TCF12: variants seen among roughly 807,000 people sequenced by gnomAD.
TCF12 encodes transcription factor 12.
In TCF12, 45 loss-of-function variants were observed where a neutral mutation model predicts 86.0. The observed-to-expected ratio is 0.52, with a 90% confidence interval of 0.41 to 0.67. The LOEUF (loss-of-function observed/expected upper bound fraction) is 0.67. Ranked by LOEUF, TCF12 falls within the 30% of genes least tolerant of loss-of-function variation. The pLI, the probability that TCF12 is intolerant of heterozygous loss-of-function variation, is 0.00. For synonymous variants in TCF12, 330 were observed against 299.6 expected, an observed-to-expected ratio of 1.10 and a Z score of -1.05; for missense variants, 881 against 859.9, an observed-to-expected ratio of 1.02 and a Z score of -0.31.
chr15:56,970,391 A>T (rs1184411891), intron 3 of TCF12, among the ~76,000 whole-genome samples: 1 of 150,194 alleles, frequency 6.7e-6, no homozygotes, highest in Non-Finnish European at 1.5e-5. Flanking sequence ...GATGCAGGAG[A>T]ATTGCTTGAA....
chr15:56,961,594 G>C (rs1283960170), intron 3 of TCF12, among the ~76,000 whole-genome samples: 1 of 152,150 alleles, frequency 6.6e-6, no homozygotes, highest in Admixed American at 6.5e-5. Flanking sequence ...TTTGAGGCTT[G>C]TATTAGTAAT....
intron 4 of TCF12, among the ~76,000 whole-genome samples, chr15:57,073,336 A>G (rs2069581460): frequency 6.6e-6 from 1 of 152,138 alleles, no homozygotes; most frequent in Non-Finnish European, 1.5e-5. Context: ...GTCTTTCTTG[A>G]CAGCCTGTTT....
At chr15:57,232,905 G>A in intron 11 of TCF12, 49 bp downstream of exon 11, 1 of 1,424,064 alleles carries the variant, frequency 7.0e-7, no homozygotes, top group Non-Finnish European at 9.3e-7. Context: ...TGGACTTTCA[G>A]TGACCCCGAT....
At chr15:57,285,337 A>G (rs1363071501) in intron 20 of TCF12, among the ~76,000 whole-genome samples, 1 of 152,232 alleles carries the variant, frequency 6.6e-6, no homozygotes, top group African/African-American at 2.4e-5. Flanking sequence ...GATTCTATCT[A>G]AAACTATTTT....
chr15:57,235,399 G>A (rs1347190063), intron 12 of TCF12, among the ~76,000 whole-genome samples: 1 of 152,110 alleles, frequency 6.6e-6, no homozygotes, highest in Non-Finnish European at 1.5e-5. Flanking sequence ...CGCCCTAGGG[G>A]AATCATAAGC....
intron 3 of TCF12, among the ~76,000 whole-genome samples, chr15:57,062,741 TGAAA>T (rs2068554275): frequency 6.6e-6 from 1 of 152,218 alleles, no homozygotes; most frequent in African/African-American, 2.4e-5. Context: ...AGGAATATCT[TGAAA>T]GAAAGATAAT....
chr15:57,058,037 GT>G (rs766444364), intron 3 of TCF12, among the ~76,000 whole-genome samples: 22 of 152,246 alleles, frequency 1.4e-4, no homozygotes, highest in Non-Finnish European at 3.2e-4. Context: ...ATTTAGGGGA[GT>G]TTTAAAGGTA....
At chr15:57,272,130 A>T (rs2061172479) in intron 18 of TCF12, among the ~76,000 whole-genome samples, 1 of 152,208 alleles carries the variant, frequency 6.6e-6, no homozygotes, top group Non-Finnish European at 1.5e-5. Flanking sequence ...TTTAGATACA[A>T]CATAATGGGC....
intron 5 of TCF12, among the ~76,000 whole-genome samples, chr15:57,131,740 TGAG>T (rs1372155100): frequency 6.6e-6 from 1 of 152,114 alleles, no homozygotes; most frequent in African/African-American, 2.4e-5. Flanking sequence ...AGATTATAAA[TGAG>T]GAGAAACTTC....
chr15:57,279,055 C>T (rs1222082349), intron 19 of TCF12, among the ~76,000 whole-genome samples: 1 of 150,610 alleles, frequency 6.6e-6, no homozygotes, highest in Middle Eastern at 3.2e-3. Context: ...AGTGCAGTGG[C>T]ACAATCATGG....
intron 5 of TCF12, among the ~76,000 whole-genome samples, chr15:57,143,470 C>T (rs545251899): frequency 1.3e-5 from 2 of 152,016 alleles, no homozygotes; most frequent in South Asian, 2.1e-4. Context: ...AAAATTAAAC[C>T]GAAACAGCAA....
intron 5 of TCF12, among the ~76,000 whole-genome samples, chr15:57,120,459 T>C (rs2051149752): frequency 6.6e-6 from 1 of 152,216 alleles, no homozygotes; most frequent in African/African-American, 2.4e-5. Context: ...GCTTTTAAAC[T>C]GTAGATAGAT....
intron 4 of TCF12, among the ~76,000 whole-genome samples, chr15:57,072,909 A>AC (rs2069531997): frequency 1.3e-5 from 2 of 152,198 alleles, no homozygotes; most frequent in African/African-American, 2.4e-5. Flanking sequence ...ACCTGCCTAT[A>AC]AATTATAACC....
chr15:56,990,661 A>G (rs1373298020), intron 3 of TCF12, among the ~76,000 whole-genome samples: 5 of 152,216 alleles, frequency 3.3e-5, no homozygotes, highest in Non-Finnish European at 7.3e-5. Context: ...TACTTACTGC[A>G]GAACTTGTAG....
At chr15:57,028,130 G>C (rs1032658858) in intron 3 of TCF12, among the ~76,000 whole-genome samples, 1 of 151,968 alleles carries the variant, frequency 6.6e-6, no homozygotes, top group South Asian at 2.1e-4. Context: ...CACCCAGCTA[G>C]TTTTTGTATT....
chr15:57,260,831 G>A (rs1394794560), intron 16 of TCF12, among the ~76,000 whole-genome samples: 2 of 152,072 alleles, frequency 1.3e-5, no homozygotes, highest in Non-Finnish European at 1.5e-5. Context: ...ACAAGACCAG[G>A]ATACCCTTGA....
In TCF12 at chr15:57,170,528, T is replaced by C. The variant is rs534680623; in HGVS notation, c.390+4062T>C. 2.1e-5 allele frequency among the ~76,000 whole-genome samples: 3 copies of C among 145,988 alleles called. No individual in the cohort carries two copies. In the South Asian group the frequency reaches 6.3e-4, roughly 31 times the overall value. ...AAATAAATACATAATATTAAATTTC[T>C]AAATTCATGTGGCCCACATAACAAA... On this transcript the variant is annotated intron_variant, in intron 6 of 20. Transcript: ENST00000333725.
intron 3 of TCF12, among the ~76,000 whole-genome samples, chr15:56,985,468 C>T (rs1219433433): frequency 6.6e-6 from 1 of 152,134 alleles, no homozygotes; most frequent in African/African-American, 2.4e-5. Context: ...TATACCATGG[C>T]TTATTTTGAC....
At position 57,286,539 on chromosome 15, in the gene TCF12, A is replaced by C. The variant is rs1425602405; in HGVS notation, c.*394A>C. 1 of 435,634 alleles carries C rather than the reference A, an allele frequency of 2.3e-6. No homozygotes were observed. The highest frequency in any genetic ancestry group is 2.0e-5 in the African/African-American group (1 of 48,848). 27.0% of individuals were successfully genotyped at this position (435,634 alleles called of 1,614,324 possible). A position where few individuals can be genotyped will look rare whatever the true frequency, so the allele number is the denominator to read the frequency against. ...TTATTGTTATGAAACTGTAAGGTCT[A>C]CATATAAAGGGAAAAAGTTAATGTG... On this transcript the variant is annotated 3_prime_UTR_variant, in exon 21 of 21. Transcript: ENST00000333725.
Sources: gnomAD v4.1 joint callset for allele counts (sites outside exome capture counted in the v4.1 genomes callset) on GRCh38, gnomAD v4.1.1 for gene constraint, MANE v1.5 for transcripts, NCBI Gene and HGNC (gene_info 2026-07-23, HGNC 2026-07-21) for gene names.